ZFYVE9: variants seen among roughly 807,000 people sequenced by gnomAD.
ZFYVE9 encodes zinc finger FYVE domain-containing protein 9.
In ZFYVE9, 43 loss-of-function variants were observed where a neutral mutation model predicts 126.7. The observed-to-expected ratio is 0.34, with a 90% confidence interval of 0.27 to 0.44. ZFYVE9 has a LOEUF of 0.44. ZFYVE9 is among the 20% of genes least tolerant of loss of function. The probability of loss-of-function intolerance (pLI) is 1.00; values close to 1 mark genes in which losing one functional copy is unlikely to be tolerated. For synonymous variants in ZFYVE9, 521 were observed against 597.4 expected (o/e 0.87, Z 1.87); for missense variants, 1,476 against 1,697.0 (o/e 0.87, Z 2.29).
chr1:52,159,191 G>T (rs2124508339), intron 1 of ZFYVE9, among the ~76,000 whole-genome samples: 1 of 152,324 alleles, frequency 6.6e-6, no homozygotes, highest in South Asian at 2.1e-4. Flanking sequence ...CAACTTGCGT[G>T]TTAACACTTG....
intron 1 of ZFYVE9, among the ~76,000 whole-genome samples, chr1:52,215,505 T>C (rs1324188416): frequency 6.6e-6 from 1 of 152,214 alleles, no homozygotes; most frequent in Non-Finnish European, 1.5e-5. Context: ...GAAATTTTTC[T>C]TGCTGCCTCA....
At chr1:52,287,706 A>G (rs985815897) in intron 10 of ZFYVE9, among the ~76,000 whole-genome samples, 4 of 151,856 alleles carry the variant, frequency 2.6e-5, no homozygotes, top group African/African-American at 9.7e-5. Context: ...CAAAAAAAAA[A>G]AAAAAAAAAT....
intron 9 of ZFYVE9, among the ~76,000 whole-genome samples, chr1:52,281,036 T>C (rs1645797486): frequency 6.6e-6 from 1 of 152,124 alleles, no homozygotes; most frequent in African/African-American, 2.4e-5. Flanking sequence ...TTAGTATTAA[T>C]AGAATGTTGC....
intron 11 of ZFYVE9, 72 bp downstream of exon 11, chr1:52,293,749 T>G: frequency 7.1e-7 from 1 of 1,412,878 alleles, no homozygotes; most frequent in Non-Finnish European, 9.8e-7. Flanking sequence ...AGCCCTCTGT[T>G]TGGTGATATA....
intron 1 of ZFYVE9, among the ~76,000 whole-genome samples, chr1:52,182,069 G>A (rs1644713649): frequency 6.6e-6 from 1 of 151,682 alleles, no homozygotes; most frequent in Non-Finnish European, 1.5e-5. Context: ...CCCTCGCCCG[G>A]CCAGCTGCCC....
Position 52,160,717 on chromosome 1 carries a change from A to G in ZFYVE9, c.-143+18314A>G, listed in dbSNP as rs1644450345. On this transcript the variant is annotated intron_variant, in intron 1 of 18. Transcript: ENST00000287727. The stretch of plus-strand genomic sequence containing the variant: ...GCGTGAGCCACTGTGCCCGGCCTTG[A>G]TGACATTTTTCTAAGTTGCTTTGAT... 7.1e-6 allele frequency: 3 copies of G among 420,022 alleles called. No homozygotes were observed. In the East Asian group the frequency reaches 1.1e-4, roughly 15 times the overall value. The allele number at this position is 420,022 out of a possible 1,614,324, so 26.0% of individuals were successfully genotyped here. A position where few individuals can be genotyped will look rare whatever the true frequency, so the allele number is the denominator to read the frequency against.
At chr1:52,344,670 C>A in intron 17 of ZFYVE9, 98 bp from the exon 18 acceptor site, 1 of 1,317,534 alleles carries the variant, frequency 7.6e-7, no homozygotes, top group Non-Finnish European at 1.1e-6. Context: ...TGTCTTCTTG[C>A]ACATCTTGGA....
rs556411709 is a variant in ZFYVE9 at position 52,226,002 on chromosome 1, G to A, written c.-36-7169G>A. On this transcript the variant is annotated intron_variant, in intron 2 of 18. Transcript: ENST00000287727. ...CCGAGGGAAAAGACTGGCAGGTGGT[G>A]GATGCGCCGGATTTTATAGTCCAGC... 2.0e-5 allele frequency among the ~76,000 whole-genome samples: 3 copies of A among 152,284 alleles called. No individual in the cohort carries two copies. The South Asian group carries it at 6.2e-4, about 32-fold the overall frequency.
chr1:52,210,735 A>T (rs1283748472), intron 1 of ZFYVE9, among the ~76,000 whole-genome samples: 2 of 151,958 alleles, frequency 1.3e-5, no homozygotes, highest in African/African-American at 2.4e-5. Context: ...GCTCACTGCA[A>T]CCTCCACCTC....
chr1:52,244,171 A>T (rs1183342051), intron 4 of ZFYVE9, among the ~76,000 whole-genome samples: 1 of 152,138 alleles, frequency 6.6e-6, no homozygotes, highest in South Asian at 2.1e-4. Context: ...ATATGAAGGG[A>T]GGAAGTGGTG....
chr1:52,230,880 T>C (rs1375092970), intron 2 of ZFYVE9, among the ~76,000 whole-genome samples: 1 of 152,252 alleles, frequency 6.6e-6, no homozygotes, highest in Non-Finnish European at 1.5e-5. Flanking sequence ...TCATTTATTA[T>C]TTAAATTTTC....
chr1:52,271,256 CATT>C (rs1350804538), intron 7 of ZFYVE9, among the ~76,000 whole-genome samples: 1 of 152,088 alleles, frequency 6.6e-6, no homozygotes, highest in African/African-American at 2.4e-5. Context: ...GGCTAAGCCA[CATT>C]ATTTTGTGCT....
intron 10 of ZFYVE9, among the ~76,000 whole-genome samples, chr1:52,287,283 T>C (rs1439184278): frequency 6.6e-6 from 1 of 152,078 alleles, no homozygotes; most frequent in Non-Finnish European, 1.5e-5. Flanking sequence ...GGAATAATTT[T>C]TGTGTTTTTA....
In ZFYVE9 at chr1:52,247,877, G is replaced by C. The variant is rs200370150; in HGVS notation, c.2178+8282G>C. On this transcript the variant is annotated intron_variant, in intron 4 of 18. Transcript: ENST00000287727. Reference sequence around the variant, plus strand: ...GTGACTGCTATTCTACCATCTGTTTGTATGAATTTCACTATTCTAGGTACC... The same window carrying C: ...GTGACTGCTATTCTACCATCTGTTTCTATGAATTTCACTATTCTAGGTACC... Among the ~76,000 whole-genome samples, 3 of 151,984 alleles carry C rather than the reference G, an allele frequency of 2.0e-5. No homozygotes were observed. The East Asian group carries it at 5.8e-4, about 29-fold the overall frequency.
intron 1 of ZFYVE9, among the ~76,000 whole-genome samples, chr1:52,207,383 G>A (rs867897373): frequency 2.0e-5 from 3 of 152,280 alleles, no homozygotes; most frequent in African/African-American, 7.2e-5. Flanking sequence ...TGAACTAGGT[G>A]AAAACACTCA....
intron 1 of ZFYVE9, among the ~76,000 whole-genome samples, chr1:52,174,383 T>C (rs1644603597): frequency 6.6e-6 from 1 of 151,968 alleles, no homozygotes; most frequent in Non-Finnish European, 1.5e-5. Flanking sequence ...TTGTTATAAT[T>C]TCTGTTCTTT....
At chr1:52,169,453 A>G (rs903853134) in intron 1 of ZFYVE9, among the ~76,000 whole-genome samples, 2 of 152,174 alleles carry the variant, frequency 1.3e-5, no homozygotes, top group African/African-American at 2.4e-5. Flanking sequence ...TTTATTTTTC[A>G]TCTTAACACG....
At chr1:52,217,522 G>C (rs182925065) in intron 2 of ZFYVE9, among the ~76,000 whole-genome samples, 6 of 152,156 alleles carry the variant, frequency 3.9e-5, no homozygotes, top group African/African-American at 7.2e-5. Flanking sequence ...GAGTACGGAG[G>C]GGGAGAGGTT....
At position 52,190,520 on chromosome 1, in the gene ZFYVE9, T is replaced by C. The variant is rs140133601; in HGVS notation, c.-142-25849T>C. On this transcript the variant is annotated intron_variant, in intron 1 of 18. Transcript: ENST00000287727. ...TAAATAAAACAATGTTTCTGTCTCA[T>C]GTGCTGTGACCAATAAGTGGAGCTT... Among the ~76,000 whole-genome samples the C allele has an allele frequency of 1.3e-3, 197 of 152,362 alleles. 1 individual carries two copies. The highest frequency in any genetic ancestry group is 4.4e-3 in the African/African-American group (183 of 41,588).
Sources: allele counts gnomAD v4.1 joint callset (sites outside exome capture counted in the v4.1 genomes callset), GRCh38; gene constraint gnomAD v4.1.1; transcripts MANE v1.5; gene names NCBI Gene and HGNC (gene_info 2026-07-23, HGNC 2026-07-21).